PRELID2: variants seen among roughly 807,000 people sequenced by gnomAD.
PRELID2 encodes the protein PRELI domain containing 2, also known as PRELI domain-containing protein 2.
A neutral mutation model predicts 28.4 loss-of-function variants in PRELID2; 25 were observed. The observed-to-expected ratio is 0.88, with a 90% CI of 0.64 to 1.23. The LOEUF (loss-of-function observed/expected upper bound fraction) is 1.23. PRELID2 is among the 50% of genes most tolerant of loss of function. PRELID2 has a pLI of 0.00. For synonymous variants in PRELID2, 76 were observed against 71.6 expected (o/e 1.06, Z -0.31); for missense variants, 201 against 214.4 (o/e 0.94, Z 0.39).
chr5:145,644,235 T>C (rs765436813), intron 1 of PRELID2, among the ~76,000 whole-genome samples: 26 of 152,160 alleles, frequency 1.7e-4, no homozygotes, highest in Non-Finnish European at 3.7e-4. Flanking sequence ...CCTGATTTAG[T>C]CTTGGGAGGG....
At chr5:145,272,809 CAT>C in the PRELID2 span, among the ~76,000 whole-genome samples, 1,339 of 152,096 alleles carry the variant, frequency 8.8e-3, 12 homozygotes, top group Non-Finnish European at 0.015. Context: ...GTAATATAGA[CAT>C]ATATTTTAAT....
At chr5:145,346,072 C>T in the PRELID2 span, among the ~76,000 whole-genome samples, 1 of 152,210 alleles carries the variant, frequency 6.6e-6, no homozygotes, top group African/African-American at 2.4e-5. Context: ...ACTCTAGTCT[C>T]TTTTCTGCTT....
At chr5:145,770,891 A>C (rs1758061564) in intron 5 of PRELID2, among the ~76,000 whole-genome samples, 1 of 152,246 alleles carries the variant, frequency 6.6e-6, no homozygotes, top group African/African-American at 2.4e-5. Flanking sequence ...AATTTTATAG[A>C]GTAAAAAATG....
At chr5:145,301,856 T>C in the PRELID2 span, among the ~76,000 whole-genome samples, 2 of 151,894 alleles carry the variant, frequency 1.3e-5, no homozygotes, top group African/African-American at 4.8e-5. Context: ...ATCAAAACCA[T>C]ATAGTCTTGA....
the PRELID2 span, among the ~76,000 whole-genome samples, chr5:145,397,694 C>G: frequency 1.6e-3 from 246 of 152,278 alleles, no homozygotes; most frequent in African/African-American, 5.8e-3. Flanking sequence ...CCCACCTGCA[C>G]TTTTGTGAAA....
At chr5:145,581,903 T>C (rs1296136456) in intron 1 of PRELID2, among the ~76,000 whole-genome samples, 1 of 152,112 alleles carries the variant, frequency 6.6e-6, no homozygotes, top group African/African-American at 2.4e-5. Context: ...TGTCCTAGTG[T>C]TACCAGTTAT....
rs1182925704 is a variant in PRELID2 at position 145,533,788 on chromosome 5, T to G, written n.71-60473A>C. ...GTCATGCCTCCTGAAATTCTGTAGT[T>G]AGGATTCCAAATATTTGTATATTGG... On this transcript the variant is annotated intron_variant and non_coding_transcript_variant, in intron 1 of 2. Coordinates refer to the PRELID2 transcript ENST00000510259. Among the ~76,000 whole-genome samples the G allele has an allele frequency of 2.6e-5, 4 of 152,106 alleles. No homozygotes were observed. In the East Asian group the frequency reaches 7.7e-4, roughly 29 times the overall value.
intron 1 of PRELID2, among the ~76,000 whole-genome samples, chr5:145,574,486 C>T (rs1472799523): frequency 6.6e-6 from 1 of 152,206 alleles, no homozygotes; most frequent in African/African-American, 2.4e-5. Context: ...CTGCCCCACT[C>T]TGAGGTGATG....
chr5:145,596,594 CAAT>C lies in PRELID2; in HGVS notation n.71-123282_71-123280del, dbSNP rs1753310510. ...CTCTAAGACCAAGCCTTCTTGCCTA[CAAT>C]AAGTCACTGACTATTTAGAAGGATC... On this transcript the variant is annotated intron_variant and non_coding_transcript_variant, in intron 1 of 2. Transcript: ENST00000510259. Among the ~76,000 whole-genome samples, 3 of 152,216 alleles carry C rather than the reference CAAT, an allele frequency of 2.0e-5. 1 individual carries two copies. In the South Asian group the frequency reaches 6.2e-4, roughly 32 times the overall value.
At chr5:145,299,547 T>G in the PRELID2 span, among the ~76,000 whole-genome samples, 1 of 152,034 alleles carries the variant, frequency 6.6e-6, no homozygotes, top group Non-Finnish European at 1.5e-5. Context: ...CTCTGCACTG[T>G]GTATGTCCTG....
chr5:145,411,269 T>A, the PRELID2 span, among the ~76,000 whole-genome samples: 1 of 152,068 alleles, frequency 6.6e-6, no homozygotes, highest in Non-Finnish European at 1.5e-5. Context: ...GGAAACTGCC[T>A]CATAAAGCCA....
At chr5:145,335,714 G>C in the PRELID2 span, among the ~76,000 whole-genome samples, 1 of 152,210 alleles carries the variant, frequency 6.6e-6, no homozygotes, top group Non-Finnish European at 1.5e-5. Flanking sequence ...TAAGAGGCAA[G>C]TTTAAGCCAA....
chr5:145,611,002 T>C (rs1348761278), intron 1 of PRELID2, among the ~76,000 whole-genome samples: 1 of 148,032 alleles, frequency 6.8e-6, no homozygotes, highest in Non-Finnish European at 1.5e-5. Context: ...AATTAATATA[T>C]AATAAATAAA....
chr5:145,314,399 G>A, the PRELID2 span, among the ~76,000 whole-genome samples: 50 of 151,928 alleles, frequency 3.3e-4, no homozygotes, highest in Non-Finnish European at 6.8e-4. Flanking sequence ...TTACATGAGG[G>A]GAAAACAGAA....
At chr5:145,241,577 A>G in the PRELID2 span, among the ~76,000 whole-genome samples, 1 of 152,020 alleles carries the variant, frequency 6.6e-6, no homozygotes, top group Non-Finnish European at 1.5e-5. Flanking sequence ...ATTTTATTTC[A>G]AAATATGAAG....
rs188703064 is a variant in PRELID2, at chr5:145,703,422, C to A, written n.70+61509G>T. On this transcript the variant is annotated intron_variant and non_coding_transcript_variant, in intron 1 of 2. Transcript: ENST00000510259. ...CCATGTGGTAGACATGCCCCAAATA[C>A]ACACAGTAGCTTCAGCTTTACTCTT... Among the ~76,000 whole-genome samples the A allele has an allele frequency of 2.4e-3, 358 of 152,294 alleles. 3 individuals are homozygous for A. Among genetic ancestry groups the A allele is most frequent in the African/African-American group, 8.1e-3 (338 of 41,560 alleles).
intron 1 of PRELID2, among the ~76,000 whole-genome samples, chr5:145,831,938 C>T (rs897942942): frequency 2.6e-5 from 4 of 152,204 alleles, no homozygotes; most frequent in African/African-American, 9.7e-5. Context: ...CAAAAATCAA[C>T]CACATGAGTT....
chr5:145,576,318 G>A (rs909041720), intron 1 of PRELID2, among the ~76,000 whole-genome samples: 4 of 152,010 alleles, frequency 2.6e-5, no homozygotes, highest in Non-Finnish European at 5.9e-5. Context: ...TCTGTCTTCT[G>A]TCTCTATGGG....
intron 1 of PRELID2, among the ~76,000 whole-genome samples, chr5:145,531,111 C>G (rs942664252): frequency 2.0e-5 from 3 of 152,116 alleles, no homozygotes; most frequent in African/African-American, 7.2e-5. Context: ...TGAGAGGGCT[C>G]TTTGATCTAT....
Sources: gnomAD v4.1 joint callset for allele counts (sites outside exome capture counted in the v4.1 genomes callset) on GRCh38, gnomAD v4.1.1 for gene constraint, MANE v1.5 for transcripts, NCBI Gene and HGNC (gene_info 2026-07-23, HGNC 2026-07-21) for gene names.